The following SCEL variants were observed in gnomAD, a reference collection of about 807,000 sequenced individuals.
SCEL encodes the protein sciellin.
A neutral mutation model predicts 117.6 loss-of-function variants in SCEL; 113 were observed. That is an observed-to-expected ratio of 0.96 (90% CI 0.83 to 1.12). The LOEUF is 1.12. SCEL is among the 50% of genes most tolerant of loss of function. The pLI, the probability that SCEL is intolerant of heterozygous loss-of-function variation, is 0.00. For missense variants in SCEL, 785 were observed against 810.8 expected (o/e 0.97, Z 0.39); for synonymous variants, 270 against 256.2 (o/e 1.05, Z -0.51).
intron 31 of SCEL, 40 bp from the exon 32 acceptor site, chr13:77,642,666 A>T (rs1567456061): frequency 1.6e-6 from 2 of 1,220,326 alleles, no homozygotes; most frequent in East Asian, 4.7e-5. Context: ...TCTAGATTTC[A>T]TTTACAATGG....
intron 28 of SCEL, among the ~76,000 whole-genome samples, chr13:77,629,353 C>G (rs1291819194): frequency 6.7e-6 from 1 of 149,822 alleles, no homozygotes; most frequent in East Asian, 2.0e-4. Flanking sequence ...CTTCCTTATT[C>G]TCTGCTCTTC....
chr13:77,628,101 T>C (rs2089842998), intron 28 of SCEL, 92 bp downstream of exon 28: 1 of 240,846 alleles, frequency 4.2e-6, no homozygotes, highest in Non-Finnish European at 7.9e-6. Flanking sequence ...ATATAAAATA[T>C]AATATTATAT....
intron 12 of SCEL, among the ~76,000 whole-genome samples, chr13:77,596,314 C>G (rs1375474900): frequency 6.7e-6 from 1 of 148,660 alleles, no homozygotes; most frequent in East Asian, 2.0e-4. Flanking sequence ...GTTTGGGCAA[C>G]AAGAGTGAAA....
At position 77,602,708 on chromosome 13, in the gene SCEL, C is replaced by T. The variant is rs749582367; in HGVS notation, c.1032C>T (p.Ser344=). 1 of 1,613,152 alleles carries T rather than the reference C, an allele frequency of 6.2e-7. No homozygotes were observed. The highest frequency in any genetic ancestry group is 1.7e-4 in the Middle Eastern group (1 of 6,036). Residue 344 remains serine (S), a synonymous_variant, in exon 17 of 33, where the codon AGC becomes AGT. Transcript: ENST00000349847. ...AKVNARMNKT[S]RRSEDLDNAT... Reference sequence around the variant, plus strand: ...TGAATGCCAGGATGAATAAAACGAGCAGAAGGTGAGAACTGAACAGATGTC... The same window carrying T: ...TGAATGCCAGGATGAATAAAACGAGTAGAAGGTGAGAACTGAACAGATGTC...
chr13:77,562,348 G>A (rs1450251243), intron 4 of SCEL, among the ~76,000 whole-genome samples: 1 of 152,116 alleles, frequency 6.6e-6, no homozygotes, highest in African/African-American at 2.4e-5. Flanking sequence ...ATTTACACAC[G>A]ATGGTGAACC....
intron 28 of SCEL, among the ~76,000 whole-genome samples, chr13:77,630,459 T>C (rs995007502): frequency 2.0e-5 from 3 of 152,184 alleles, no homozygotes; most frequent in African/African-American, 7.2e-5. Flanking sequence ...CACTATTGGG[T>C]TTTAATTCAC....
intron 4 of SCEL, among the ~76,000 whole-genome samples, chr13:77,562,080 A>C (rs2085013667): frequency 6.6e-6 from 1 of 152,232 alleles, no homozygotes; most frequent in African/African-American, 2.4e-5. Flanking sequence ...ACAGCCAAAT[A>C]GCACCTGTAG....
intron 10 of SCEL, 22 bp from the exon 11 acceptor site, chr13:77,591,373 T>A: frequency 7.0e-7 from 1 of 1,431,252 alleles, no homozygotes; most frequent in Non-Finnish European, 9.8e-7. Flanking sequence ...ACTGATATAA[T>A]CTTCTAACTT....
At chr13:77,624,474 T>C (rs1374454154) in intron 27 of SCEL, among the ~76,000 whole-genome samples, 2 of 152,184 alleles carry the variant, frequency 1.3e-5, no homozygotes, top group African/African-American at 4.8e-5. Flanking sequence ...AATTTCCTCC[T>C]ACAGAGACAC....
chr13:77,537,463 A>G (rs2083468196), intron 1 of SCEL, among the ~76,000 whole-genome samples: 1 of 152,262 alleles, frequency 6.6e-6, no homozygotes. Flanking sequence ...GACTGTGGTT[A>G]CCCAGCACAT....
At chr13:77,554,245 C>T (rs371363693) in intron 1 of SCEL, among the ~76,000 whole-genome samples, 1 of 152,136 alleles carries the variant, frequency 6.6e-6, no homozygotes, top group East Asian at 1.9e-4. Context: ...AAGGGACTGA[C>T]CTTTTTTATC....
At chr13:77,632,394 G>C (rs79457295) in intron 28 of SCEL, among the ~76,000 whole-genome samples, 2,816 of 152,248 alleles carry the variant, frequency 0.018, 111 homozygotes, top group Admixed American at 0.092. Context: ...ACATTTTCAA[G>C]TGATTCTTAG....
At position 77,559,389 on chromosome 13, in the gene SCEL, C is replaced by A. The variant is rs146348640; in HGVS notation, c.162-415C>A. Among the ~76,000 whole-genome samples the A allele has an allele frequency of 9.2e-5, 14 of 152,328 alleles. No homozygotes were observed. In the East Asian group the frequency reaches 2.7e-3, roughly 29 times the overall value. ...TGTCAAGTCCACCAACATACCCAGA[C>A]GTAATGGGCTTACTTAAACTTAAAC... On this transcript the variant is annotated intron_variant, in intron 3 of 32. Coordinates refer to ENST00000349847, the MANE Select transcript of SCEL (RefSeq NM_144777.3).
At chr13:77,548,584 G>C (rs916938683) in intron 1 of SCEL, among the ~76,000 whole-genome samples, 7 of 152,218 alleles carry the variant, frequency 4.6e-5, no homozygotes, top group Non-Finnish European at 8.8e-5. Flanking sequence ...GTTTGTCTCT[G>C]TGTCCCCAAC....
At chr13:77,610,326 C>A (rs1383126740) in intron 22 of SCEL, among the ~76,000 whole-genome samples, 1 of 151,840 alleles carries the variant, frequency 6.6e-6, no homozygotes, top group African/African-American at 2.4e-5. Flanking sequence ...GTGGTGGGTG[C>A]CTGTAGTCTC....
At chr13:77,632,560 A>C (rs891704125) in intron 28 of SCEL, among the ~76,000 whole-genome samples, 1 of 152,186 alleles carries the variant, frequency 6.6e-6, no homozygotes, top group Non-Finnish European at 1.5e-5. Context: ...TGTATGCCAG[A>C]GATAATATGT....
chr13:77,637,125 C>A lies in SCEL; in HGVS notation c.1769C>A (p.Ser590Ter). 6.5e-7 allele frequency: 1 copy of A among 1,534,392 alleles called. No homozygotes were observed. Among genetic ancestry groups the A allele is most frequent in the Non-Finnish European group, 8.8e-7 (1 of 1,130,724 alleles). Residue 590 changes from serine to a stop codon, truncating the protein, a stop_gained, in exon 30 of 33, where the codon TCA becomes TAA. Coordinates refer to ENST00000349847, the MANE Select transcript of SCEL (RefSeq NM_144777.3). LOFTEE classifies it high-confidence loss of function. ...TCCATATATTTTGTTCCTAGTAAAT[C>A]ACCCAAGGATGGATATCAGGAGAAT... The part of the protein sequence containing the change: ...YTRTYVENSK[S>*]PKDGYQENIS...
Position 77,637,115 on chromosome 13 carries a change from C to A in SCEL, c.1764-5C>A, listed in dbSNP as rs755580607. On this transcript the variant is annotated splice_polypyrimidine_tract_variant and splice_region_variant and intron_variant, in intron 29 of 32. Coordinates refer to ENST00000349847, the MANE Select transcript of SCEL (RefSeq NM_144777.3). ...TTCTCACATGTCCATATATTTTGTT[C>A]CTAGTAAATCACCCAAGGATGGATA... is the stretch of plus-strand genomic sequence containing the variant. 4.0e-6 allele frequency: 6 copies of A among 1,484,174 alleles called. No homozygotes were observed. The highest frequency in any genetic ancestry group is 5.5e-6 in the Non-Finnish European group (6 of 1,087,956). 91.9% of individuals were successfully genotyped at this position (1,484,174 alleles called of 1,614,324 possible). A position where few individuals can be genotyped will look rare whatever the true frequency, so the allele number is the denominator to read the frequency against.
chr13:77,539,872 G>A (rs1231124366), intron 1 of SCEL, among the ~76,000 whole-genome samples: 2 of 152,082 alleles, frequency 1.3e-5, no homozygotes, highest in South Asian at 2.1e-4. Context: ...CTGAAAGAAA[G>A]GAATAAATGA....
Sources: allele counts gnomAD v4.1 joint callset (sites outside exome capture counted in the v4.1 genomes callset), GRCh38; gene constraint gnomAD v4.1.1; transcripts MANE v1.5; gene names NCBI Gene and HGNC (gene_info 2026-07-23, HGNC 2026-07-21).